Variants in GRHL2 observed in about 807,000 individuals in gnomAD.
The protein encoded by GRHL2 is grainyhead like transcription factor 2.
In GRHL2, 21 loss-of-function variants were observed where a neutral mutation model predicts 83.8. The observed-to-expected ratio is 0.25, with a 90% confidence interval of 0.18 to 0.36. The LOEUF is 0.36. Ranked by LOEUF, GRHL2 falls within the 10% of genes least tolerant of loss-of-function variation. The pLI is 1.00. For missense variants in GRHL2, 623 were observed against 781.8 expected (o/e 0.80, Z 2.42); for synonymous variants, 280 against 278.9 (o/e 1.00, Z -0.04).
At chr8:101,657,396 C>A (rs1450010758) in intron 14 of GRHL2, among the ~76,000 whole-genome samples, 1 of 152,136 alleles carries the variant, frequency 6.6e-6, no homozygotes, top group African/African-American at 2.4e-5. Flanking sequence ...GATCATCAGA[C>A]AACCAATAAC....
chr8:101,645,215 C>T (rs56277720), intron 13 of GRHL2, among the ~76,000 whole-genome samples: 54,799 of 148,158 alleles, frequency 0.37, 11,507 homozygotes, highest in African/African-American at 0.58. Flanking sequence ...TCACTGCAAC[C>T]TCCACCTCCT....
chr8:101,636,676 T>C (rs1731952700), intron 11 of GRHL2: 2 of 558,808 alleles, frequency 3.6e-6, no homozygotes, highest in Non-Finnish European at 6.4e-6. Context: ...ATCTAGGAAT[T>C]AACCCCATGG....
intron 1 of GRHL2, among the ~76,000 whole-genome samples, chr8:101,522,472 C>T (rs1482452312): frequency 6.6e-6 from 1 of 152,126 alleles, no homozygotes; most frequent in Non-Finnish European, 1.5e-5. Context: ...GGGCCTGGAA[C>T]CAATCCCCTG....
In GRHL2 at chr8:101,666,960, A is replaced by C; in HGVS notation, c.*257A>C. The C allele has an allele frequency of 1.2e-5, 7 of 563,268 alleles. No homozygotes were observed. Among genetic ancestry groups the C allele is most frequent in the East Asian group, 3.0e-5 (1 of 32,966 alleles). 34.9% of individuals were successfully genotyped at this position (563,268 alleles called of 1,614,324 possible). On this transcript the variant is annotated 3_prime_UTR_variant, in exon 16 of 16. Coordinates refer to ENST00000646743, the MANE Select transcript of GRHL2 (RefSeq NM_024915.4). Reference sequence around the variant, plus strand: ...CCTGTTGGATTCCTATTTATTGCCCACCTTTTCCTGGAGCCCAGGTCCAGG... The same window carrying C: ...CCTGTTGGATTCCTATTTATTGCCCCCCTTTTCCTGGAGCCCAGGTCCAGG...
chr8:101,665,628 A>T (rs2129773372), intron 15 of GRHL2, among the ~76,000 whole-genome samples: 1 of 152,350 alleles, frequency 6.6e-6, no homozygotes, highest in East Asian at 1.9e-4. Flanking sequence ...GTGCAGAGGT[A>T]CATGCTGATG....
rs550652184 is a variant in GRHL2, at chr8:101,547,017, T to C, written c.216+3581T>C. Among the ~76,000 whole-genome samples the C allele has an allele frequency of 1.4e-4, 22 of 152,370 alleles. 1 individual carries two copies. In the South Asian group the frequency reaches 4.6e-3, roughly 32 times the overall value. On this transcript the variant is annotated intron_variant, in intron 2 of 15. Transcript: ENST00000646743. ...AGCTTCTTTTATTTCACATGAGCTT[T>C]GCTATACTTTTGCTTGAAACATTTT...
intron 8 of GRHL2, among the ~76,000 whole-genome samples, chr8:101,606,999 T>C (rs1419549990): frequency 6.6e-6 from 1 of 152,230 alleles, no homozygotes; most frequent in African/African-American, 2.4e-5. Flanking sequence ...ATTCAGTCTC[T>C]TTGGGTGAAA....
chr8:101,677,032 AG>A, the GRHL2 span, among the ~76,000 whole-genome samples: 1 of 151,570 alleles, frequency 6.6e-6, no homozygotes, highest in African/African-American at 2.4e-5. Context: ...GGACACAGGA[AG>A]GGGAATATCA....
At chr8:101,593,234 C>T (rs141174127) in intron 7 of GRHL2, among the ~76,000 whole-genome samples, 8 of 152,360 alleles carry the variant, frequency 5.3e-5, no homozygotes, top group Admixed American at 4.6e-4. Context: ...GCGTGAGCCA[C>T]CACGCCTGGT....
intron 1 of GRHL2, among the ~76,000 whole-genome samples, chr8:101,514,390 T>C (rs1810526359): frequency 6.6e-6 from 1 of 152,164 alleles, no homozygotes; most frequent in Non-Finnish European, 1.5e-5. Context: ...ACTAAGGGAA[T>C]GCACCTGTGA....
At chr8:101,633,609 C>T (rs1813230042) in intron 11 of GRHL2, among the ~76,000 whole-genome samples, 1 of 152,150 alleles carries the variant, frequency 6.6e-6, no homozygotes, top group South Asian at 2.1e-4. Flanking sequence ...TTTCTTAAAA[C>T]ACATCAACAC....
intron 8 of GRHL2, among the ~76,000 whole-genome samples, chr8:101,613,062 C>T (rs117835229): frequency 4.6e-5 from 7 of 150,748 alleles, no homozygotes; most frequent in Non-Finnish European, 7.4e-5. Flanking sequence ...CAGGTATTTC[C>T]GAAGAGTTGA....
At chr8:101,628,115 T>C (rs772113890) in intron 9 of GRHL2, among the ~76,000 whole-genome samples, 1 of 152,174 alleles carries the variant, frequency 6.6e-6, no homozygotes, top group Non-Finnish European at 1.5e-5. Context: ...CAGATTTTCA[T>C]TGTAGAACAA....
At chr8:101,619,485 A>G (rs1298103650) in intron 8 of GRHL2, 54 bp from the exon 9 acceptor site, 24 of 1,539,446 alleles carry the variant, frequency 1.6e-5, no homozygotes, top group Non-Finnish European at 2.1e-5. Flanking sequence ...TTATGCGTTT[A>G]TTGTACATTC....
At chr8:101,666,019 G>C (rs1273809450) in intron 15 of GRHL2, among the ~76,000 whole-genome samples, 2 of 152,184 alleles carry the variant, frequency 1.3e-5, no homozygotes, top group Non-Finnish European at 2.9e-5. Context: ...TGTGCTAACT[G>C]AATGAACTTG....
intron 1 of GRHL2, among the ~76,000 whole-genome samples, chr8:101,528,113 T>C (rs1810844885): frequency 1.3e-5 from 2 of 152,192 alleles, no homozygotes; most frequent in African/African-American, 4.8e-5. Context: ...AGTCTTCTTT[T>C]GTGTATTTGT....
chr8:101,592,951 T>TTTGTTG (rs569263897), intron 7 of GRHL2, among the ~76,000 whole-genome samples: 1 of 152,084 alleles, frequency 6.6e-6, no homozygotes, highest in African/African-American at 2.4e-5. Flanking sequence ...TTTTATTCTT[T>TTTGTTG]TTGTTGTTGT....
Position 101,650,571 on chromosome 8 carries a change from G to A in GRHL2, c.1698+1072G>A, listed in dbSNP as rs1813601217. On this transcript the variant is annotated intron_variant, in intron 14 of 15. Coordinates refer to ENST00000646743, the MANE Select transcript of GRHL2 (RefSeq NM_024915.4). ...CAGCCAGATTCAAAAAGCCACATGT[G>A]GTATGATTCAATTTATAGGACATAT... Among the ~76,000 whole-genome samples, 3 of 152,024 alleles carry A rather than the reference G, an allele frequency of 2.0e-5. No homozygotes were observed. The South Asian group carries it at 6.2e-4, about 32-fold the overall frequency.
At chr8:101,645,427 ATG>A (rs1469391249) in intron 13 of GRHL2, among the ~76,000 whole-genome samples, 1 of 152,098 alleles carries the variant, frequency 6.6e-6, no homozygotes, top group Non-Finnish European at 1.5e-5. Context: ...TCAGTTCACC[ATG>A]TTAAATATGC....
Sources: gnomAD v4.1 joint callset for allele counts (sites outside exome capture counted in the v4.1 genomes callset) on GRCh38, gnomAD v4.1.1 for gene constraint, MANE v1.5 for transcripts, NCBI Gene and HGNC (gene_info 2026-07-23, HGNC 2026-07-21) for gene names.